Variants in ARHGAP21 observed in about 807,000 individuals in gnomAD.
ARHGAP21 encodes the protein rho GTPase-activating protein 21.
ARHGAP21 carries 38 observed loss-of-function variants against 164.6 expected under a neutral mutation model. The ratio of observed to expected loss-of-function variants is 0.23; its 90% confidence interval spans 0.18 to 0.30. ARHGAP21 has a LOEUF of 0.30. ARHGAP21 is among the 10% of genes least tolerant of loss of function. The probability of loss-of-function intolerance (pLI) is 1.00; values close to 1 mark genes in which losing one functional copy is unlikely to be tolerated. For missense variants in ARHGAP21, 1,822 were observed against 2,370.7 expected (o/e 0.77, Z 4.81); for synonymous variants, 766 against 857.9 (o/e 0.89, Z 1.87).
chr10:24,597,352 C>G, intron 16 of ARHGAP21, 95 bp downstream of exon 16: 1 of 1,466,926 alleles, frequency 6.8e-7, no homozygotes, highest in Non-Finnish European at 9.2e-7. Flanking sequence ...GACATGGGGC[C>G]TGGTCAGTAG....
Position 24,620,960 on chromosome 10 carries a change from T to C in ARHGAP21, c.935A>G (p.Lys312Arg). The C allele has an allele frequency of 6.2e-7, 1 of 1,613,978 alleles. No individual in the cohort carries two copies. Among genetic ancestry groups the C allele is most frequent in the Non-Finnish European group, 8.5e-7 (1 of 1,179,864 alleles). The change falls in exon 9 of 26, where the codon AAA becomes AGA. Residue 312 changes from lysine (K) to arginine (R), a missense_variant. Lys to Arg is a conservative substitution (Grantham distance 26, BLOSUM62 2). This residue lies in a region of ARHGAP21 where 1,090 missense variants were observed against 1,378.9 expected (regional missense o/e 0.79). Coordinates refer to ENST00000396432, the MANE Select transcript of ARHGAP21 (RefSeq NM_020824.4). ...TGGTGATGTGGTTCTTGACACTGTTTTTAAAGAGGTCTGCTCACTCACGCC... is the reference window on the plus strand; with the variant it reads ...TGGTGATGTGGTTCTTGACACTGTTCTTAAAGAGGTCTGCTCACTCACGCC... The part of the protein sequence containing the change: ...RYGVSEQTSL[K>R]TVSRTTSPPL...
rs146600000 is a variant in ARHGAP21, at chr10:24,677,584, A to G, written c.64-7187T>C. Among the ~76,000 whole-genome samples the G allele has an allele frequency of 5.1e-3, 771 of 152,266 alleles. 7 individuals are homozygous for G. Among genetic ancestry groups the G allele is most frequent in the African/African-American group, 0.018 (744 of 41,562 alleles). On this transcript the variant is annotated intron_variant, in intron 2 of 25. Coordinates refer to ENST00000396432, the MANE Select transcript of ARHGAP21 (RefSeq NM_020824.4). ...TTGTAGTTTATCCCCCACTTCTAGG[A>G]TTTAGCGGAGCATAACATGAGAGAC...
chr10:24,585,796 G>A lies in ARHGAP21; in HGVS notation c.4493C>T (p.Thr1498Met), dbSNP rs144805251. Residue 1498 changes from threonine (T) to methionine (M), a missense_variant, in exon 26 of 26, where the codon ACG (threonine) becomes ATG (methionine). Thr to Met is a moderately conservative substitution (Grantham distance 81). Around this residue, in one of 5 missense-constraint regions of ARHGAP21, gnomAD observed 333 missense variants for 383.9 expected, o/e 0.87. Transcript: ENST00000396432. ...DEKISLGKES[T>M]PSEEPSPPHN... The stretch of plus-strand genomic sequence containing the variant: ...TGGTGGTGAGGGTTCTTCAGAAGGC[G>A]TGCTCTCTTTTCCTAGTGATATCTT... 1.2e-4 allele frequency: 198 copies of A among 1,613,774 alleles called. No individual in the cohort carries two copies. The highest frequency in any genetic ancestry group is 1.5e-4 in the Non-Finnish European group (180 of 1,179,864).
At chr10:24,619,426 T>C (rs1477452773) in intron 9 of ARHGAP21, 47 bp downstream of exon 9, 10 of 1,525,644 alleles carry the variant, frequency 6.6e-6, no homozygotes, top group Non-Finnish European at 8.9e-7. Flanking sequence ...TCTGGAAAGA[T>C]TTCTTATACA....
intron 2 of ARHGAP21, among the ~76,000 whole-genome samples, chr10:24,712,049 G>A (rs982155294): frequency 6.6e-6 from 1 of 152,188 alleles, no homozygotes; most frequent in Non-Finnish European, 1.5e-5. Context: ...CGAGTAGCTG[G>A]AATTACAGGC....
At chr10:24,612,325 G>A (rs1008277895) in intron 9 of ARHGAP21, among the ~76,000 whole-genome samples, 1 of 152,018 alleles carries the variant, frequency 6.6e-6, no homozygotes, top group Non-Finnish European at 1.5e-5. Flanking sequence ...GCAAAAAGAG[G>A]GGTAAATTTG....
In ARHGAP21 at chr10:24,598,634, T is replaced by C. The variant is rs539917284; in HGVS notation, c.3133-625A>G. Among the ~76,000 whole-genome samples the C allele has an allele frequency of 7.9e-5, 12 of 152,338 alleles. No homozygotes were observed. In the South Asian group the frequency reaches 2.3e-3, roughly 29 times the overall value. On this transcript the variant is annotated intron_variant, in intron 14 of 25. Coordinates refer to ENST00000396432, the MANE Select transcript of ARHGAP21 (RefSeq NM_020824.4). ...GAGTTGACCATAAAGTGATCCTTTT[T>C]TTCCTATTCATTCCAATTATACATT...
intron 2 of ARHGAP21, among the ~76,000 whole-genome samples, chr10:24,721,541 C>A (rs977846029): frequency 3.3e-5 from 5 of 152,212 alleles, no homozygotes; most frequent in African/African-American, 1.2e-4. Flanking sequence ...CATTCTCAGG[C>A]TTGTAGCATC....
chr10:24,608,861 T>TTACTATTATGTCAGTAAGAATGCAG lies in ARHGAP21; in HGVS notation c.2423-983_2423-959dup, dbSNP rs544179030. ...CACTTTTTACTAAGTATACGACAGT[T>TTACTATTATGTCAGTAAGAATGCAG]TACTATTATGTCAGTAAGAATGCAG... On this transcript the variant is annotated intron_variant, in intron 9 of 25. Coordinates refer to ENST00000396432, the MANE Select transcript of ARHGAP21 (RefSeq NM_020824.4). Among the ~76,000 whole-genome samples, 232 of 152,332 alleles carry TTACTATTATGTCAGTAAGAATGCAG rather than the reference T, an allele frequency of 1.5e-3. 5 individuals are homozygous for TTACTATTATGTCAGTAAGAATGCAG. The East Asian group carries it at 0.038, about 25-fold the overall frequency.
intron 5 of ARHGAP21, among the ~76,000 whole-genome samples, chr10:24,634,047 G>C (rs1409388478): frequency 1.3e-5 from 2 of 151,538 alleles, no homozygotes; most frequent in South Asian, 4.2e-4. Flanking sequence ...CAGAAACAAA[G>C]AACAGAGGAA....
chr10:24,623,268 A>G (rs76567899), intron 7 of ARHGAP21, among the ~76,000 whole-genome samples: 1,545 of 152,304 alleles, frequency 0.01, 14 homozygotes, highest in Non-Finnish European at 0.016. Context: ...TTCAGGGGGG[A>G]AAATGACTTC....
rs1482130758 is a variant in ARHGAP21 at position 24,594,171 on chromosome 10, A to AAGT, written c.3876+776_3876+778dup. ...AAAACGACTGCTTCAGTACTTTAAG[A>AAGT]AGTAATGCCCTTGAGTTAGAAAATC... On this transcript the variant is annotated intron_variant, in intron 21 of 25. Transcript: ENST00000396432. 2.0e-5 allele frequency among the ~76,000 whole-genome samples: 3 copies of AAGT among 152,338 alleles called. No individual in the cohort carries two copies. The East Asian group carries it at 5.8e-4, about 29-fold the overall frequency.
In ARHGAP21 at chr10:24,600,907, T is replaced by C. The variant is rs1400648521; in HGVS notation, c.2871A>G (p.Pro957=). The change falls in exon 14 of 26, where the codon CCA becomes CCG. Residue 957 remains proline, a synonymous_variant. Transcript: ENST00000396432. The part of the protein sequence containing the change: ...KGKRVGGSIR[P]WKQMYVVLRG... ...GAAGGACAACATACATCTGTTTCCA[T>C]GGCCGAATACTTCCACCAACTCGCT... is the stretch of plus-strand genomic sequence containing the variant. 3 of 1,612,194 alleles carry C rather than the reference T, an allele frequency of 1.9e-6. No homozygotes were observed. Among genetic ancestry groups the C allele is most frequent in the East Asian group, 2.2e-5 (1 of 44,804 alleles).
At chr10:24,619,273 A>G (rs1241080198) in intron 9 of ARHGAP21, among the ~76,000 whole-genome samples, 200 bp downstream of exon 9, 1 of 151,654 alleles carries the variant, frequency 6.6e-6, no homozygotes, top group Non-Finnish European at 1.5e-5. Flanking sequence ...TTTTTTTTTA[A>G]AAAAAGGAAA....
At chr10:24,671,011 C>G (rs1310294905) in intron 2 of ARHGAP21, among the ~76,000 whole-genome samples, 2 of 152,088 alleles carry the variant, frequency 1.3e-5, no homozygotes, top group Admixed American at 6.5e-5. Context: ...AGAACCACCA[C>G]CTATTATTAG....
chr10:24,681,272 G>A (rs73606544), intron 2 of ARHGAP21, among the ~76,000 whole-genome samples: 4,566 of 152,222 alleles, frequency 0.03, 207 homozygotes, highest in African/African-American at 0.097. Flanking sequence ...ACAATGGATG[G>A]ATCTTATAGT....
chr10:24,585,684 C>G lies in ARHGAP21; in HGVS notation c.4605G>C (p.Lys1535Asn). 2 of 1,614,168 alleles carry G rather than the reference C, an allele frequency of 1.2e-6. No individual in the cohort carries two copies. The highest frequency in any genetic ancestry group is 2.2e-5 in the East Asian group (1 of 44,872). ...KESPRSLLAQ[K>N]SSHLEETGSD... ...AGCCTGTCTCTTCAAGGTGGGAGGACTTCTGTGCCAGAAGTGACCTGGGGC... is the reference window on the plus strand; with the variant it reads ...AGCCTGTCTCTTCAAGGTGGGAGGAGTTCTGTGCCAGAAGTGACCTGGGGC... Residue 1535 changes from lysine (K) to asparagine (N), a missense_variant, in exon 26 of 26, where the codon AAG (lysine) becomes AAC (asparagine). Physicochemically the swap from Lys to Asn is moderately conservative, Grantham distance 94 (BLOSUM62 0). This residue lies in a region of ARHGAP21 where 333 missense variants were observed against 383.9 expected (regional missense o/e 0.87). Transcript: ENST00000396432.
chr10:24,587,991 TTCAAACAGGTC>T (rs2076177104), intron 25 of ARHGAP21, among the ~76,000 whole-genome samples: 1 of 152,170 alleles, frequency 6.6e-6, no homozygotes. Context: ...AAGCAGGGAT[TTCAAACAGGTC>T]TCTCTGGTTT....
Position 24,604,364 on chromosome 10 carries a change from T to A in ARHGAP21, c.2685-16A>T, listed in dbSNP as rs753557392. 6.4e-7 allele frequency: 1 copy of A among 1,566,386 alleles called. No individual in the cohort carries two copies. The highest frequency in any genetic ancestry group is 1.4e-5 in the African/African-American group (1 of 73,026). Reference sequence around the variant, plus strand: ...CTTAAAGGACCTGTTGGGGAAAAAATATATAAATATTTTCAATTAGTGCAA... The same window carrying A: ...CTTAAAGGACCTGTTGGGGAAAAAAAATATAAATATTTTCAATTAGTGCAA... On this transcript the variant is annotated splice_polypyrimidine_tract_variant and intron_variant, in intron 11 of 25. Coordinates refer to ENST00000396432, the MANE Select transcript of ARHGAP21 (RefSeq NM_020824.4).
Sources: gnomAD v4.1 joint callset for allele counts (sites outside exome capture counted in the v4.1 genomes callset) on GRCh38, gnomAD v4.1.1 for gene constraint, gnomAD v4.1.1 regional missense constraint, MANE v1.5 for transcripts, NCBI Gene and HGNC (gene_info 2026-07-23, HGNC 2026-07-21) for gene names.